GDAP1L1: variants seen among roughly 807,000 people sequenced by gnomAD.
GDAP1L1 encodes the protein ganglioside induced differentiation associated protein 1 like 1.
In GDAP1L1, 21 loss-of-function variants were observed where a neutral mutation model predicts 37.1. The ratio of observed to expected loss-of-function variants is 0.57; its 90% CI spans 0.40 to 0.81. The LOEUF (loss-of-function observed/expected upper bound fraction) is 0.81. Among genes scored for constraint, GDAP1L1 ranks in the 40% least tolerant of loss-of-function variants. The probability of loss-of-function intolerance (pLI) is 0.00; values close to 1 mark genes in which losing one functional copy is unlikely to be tolerated. For missense variants in GDAP1L1, 362 were observed against 491.6 expected (o/e 0.74, Z 2.49); for synonymous variants, 193 against 209.1 (o/e 0.92, Z 0.67).
chr20:44,259,919 C>G (rs2073641507), intron 3 of GDAP1L1, among the ~76,000 whole-genome samples: 1 of 152,126 alleles, frequency 6.6e-6, no homozygotes. Context: ...ATCCCAGGGT[C>G]AAGTTCCATG....
rs1457237091 is a variant in GDAP1L1, at chr20:44,276,410, GAAA to G, written c.761-2544_761-2542del. Among the ~76,000 whole-genome samples, 8 of 24,914 alleles carry G rather than the reference GAAA, an allele frequency of 3.2e-4. 1 individual carries two copies. The South Asian group carries it at 0.011, about 35-fold the overall frequency. 16.3% of individuals were successfully genotyped at this position (24,914 alleles called of 152,430 possible). A position where few individuals can be genotyped will look rare whatever the true frequency, so the allele number is the denominator to read the frequency against. On this transcript the variant is annotated intron_variant, in intron 5 of 5. Coordinates refer to ENST00000342560, the MANE Select transcript of GDAP1L1 (RefSeq NM_024034.6). ...AAAGAAAAGAAAGGGAAAGAAAAAA[GAAA>G]AAGAAAGAAAGAAAGAAAGAAAGAA...
rs545819390 is a variant in GDAP1L1 at position 44,279,791 on chromosome 20, A to G, written c.*491A>G. On this transcript the variant is annotated 3_prime_UTR_variant, in exon 6 of 6. Transcript: ENST00000342560. ...AACCGGTACCTCTGAATGGGGCTGG[A>G]TAACCGGAGACCCCATGGGAGGTCC... is the stretch of plus-strand genomic sequence containing the variant. 3.4e-5 allele frequency: 16 copies of G among 471,634 alleles called. No individual in the cohort carries two copies. The East Asian group carries it at 1.1e-3, about 33-fold the overall frequency. The allele number at this position is 471,634 out of a possible 1,614,324, so 29.2% of individuals were successfully genotyped here. A position where few individuals can be genotyped will look rare whatever the true frequency, so the allele number is the denominator to read the frequency against.
chr20:44,253,157 G>T (rs2073477063), intron 1 of GDAP1L1, among the ~76,000 whole-genome samples: 1 of 151,948 alleles, frequency 6.6e-6, no homozygotes, highest in African/African-American at 2.4e-5. Context: ...TCTTTTTTTG[G>T]ACGCACTCAC....
Position 44,279,432 on chromosome 20 carries a change from C to T in GDAP1L1, c.*132C>T, listed in dbSNP as rs988299580. On this transcript the variant is annotated 3_prime_UTR_variant, in exon 6 of 6. Coordinates refer to ENST00000342560, the MANE Select transcript of GDAP1L1 (RefSeq NM_024034.6). Reference sequence around the variant, plus strand: ...CGCCCTTCGTTCTGAGTAATAATACCGTCAGTGTGAAAACATTCCGTAGTT... The same window carrying T: ...CGCCCTTCGTTCTGAGTAATAATACTGTCAGTGTGAAAACATTCCGTAGTT... 12 of 716,884 alleles carry T rather than the reference C, an allele frequency of 1.7e-5. No individual in the cohort carries two copies. The highest frequency in any genetic ancestry group is 1.2e-4 in the African/African-American group (7 of 57,332). 44.4% of individuals were successfully genotyped at this position (716,884 alleles called of 1,614,324 possible).
chr20:44,276,247 A>T (rs1189097074), intron 5 of GDAP1L1, among the ~76,000 whole-genome samples: 1 of 151,704 alleles, frequency 6.6e-6, no homozygotes, highest in Non-Finnish European at 1.5e-5. Flanking sequence ...AGGCAGAAGA[A>T]TTGTTTGAAC....
At chr20:44,255,657 C>A (rs183643025) in intron 1 of GDAP1L1, among the ~76,000 whole-genome samples, 1 of 150,598 alleles carries the variant, frequency 6.6e-6, no homozygotes, top group South Asian at 2.1e-4. Flanking sequence ...CTGCCCATGA[C>A]GCTGCATTGC....
chr20:44,258,969 C>A (rs890681850), intron 3 of GDAP1L1, among the ~76,000 whole-genome samples: 2 of 151,838 alleles, frequency 1.3e-5, no homozygotes, highest in Non-Finnish European at 2.9e-5. Flanking sequence ...TTGTCCTGCC[C>A]CCCCCATACA....
intron 5 of GDAP1L1, among the ~76,000 whole-genome samples, chr20:44,268,784 A>G (rs1471904690): frequency 6.6e-6 from 1 of 152,170 alleles, no homozygotes; most frequent in Non-Finnish European, 1.5e-5. Flanking sequence ...GTCCTCGGGA[A>G]AGTGGTGGGA....
intron 5 of GDAP1L1, among the ~76,000 whole-genome samples, chr20:44,267,638 G>T (rs1254936901): frequency 6.6e-6 from 1 of 151,942 alleles, no homozygotes; most frequent in Non-Finnish European, 1.5e-5. Context: ...AAAAGGCAGG[G>T]GGTGATAACA....
intron 5 of GDAP1L1, among the ~76,000 whole-genome samples, chr20:44,271,317 G>A (rs1015619324): frequency 2.0e-5 from 3 of 152,162 alleles, no homozygotes; most frequent in Non-Finnish European, 4.4e-5. Context: ...GGGTATCAGC[G>A]CAGAGGAGTC....
intron 5 of GDAP1L1, among the ~76,000 whole-genome samples, chr20:44,270,995 C>T (rs1160093702): frequency 5.3e-5 from 8 of 152,172 alleles, no homozygotes; most frequent in Admixed American, 2.6e-4. Context: ...GGCAAGGTCA[C>T]GTGCACTTGT....
At chr20:44,272,650 G>A (rs556709362) in intron 5 of GDAP1L1, among the ~76,000 whole-genome samples, 2 of 151,810 alleles carry the variant, frequency 1.3e-5, no homozygotes, top group Admixed American at 1.3e-4. Flanking sequence ...CACAAGTAGA[G>A]GAGAAGAGAG....
chr20:44,247,609 G>C, intron 1 of GDAP1L1, 95 bp downstream of exon 1: 1 of 1,216,168 alleles, frequency 8.2e-7, no homozygotes, highest in Non-Finnish European at 1.1e-6. Context: ...CGAAAGACTG[G>C]AGGGGGGAAC....
rs1568659401 is a variant in GDAP1L1, at chr20:44,276,387, A to AG, written c.761-2569dup. Among the ~76,000 whole-genome samples, 100 of 96,876 alleles carry AG rather than the reference A, an allele frequency of 1.0e-3. 1 individual carries two copies. Among genetic ancestry groups the AG allele is most frequent in the African/African-American group, 3.7e-3 (87 of 23,600 alleles). The allele number at this position is 96,876 out of a possible 152,430, so 63.6% of individuals were successfully genotyped here. On this transcript the variant is annotated intron_variant, in intron 5 of 5. Coordinates refer to ENST00000342560, the MANE Select transcript of GDAP1L1 (RefSeq NM_024034.6). ...GGAAGGAAGGAAGGAAGGAAGGAAA[A>AG]GAAAAGAAAGGGAAAGAAAAAAGAA...
chr20:44,251,315 A>C (rs1165957271), intron 1 of GDAP1L1, among the ~76,000 whole-genome samples: 2 of 152,176 alleles, frequency 1.3e-5, no homozygotes, highest in Non-Finnish European at 2.9e-5. Flanking sequence ...TCCCTGCAGC[A>C]AGCCTGGTTC....
At chr20:44,261,246 C>A (rs1231511596) in intron 3 of GDAP1L1, among the ~76,000 whole-genome samples, 1 of 152,194 alleles carries the variant, frequency 6.6e-6, no homozygotes. Context: ...GGGTGGCCTG[C>A]CCTCCTGGAG....
chr20:44,264,660 C>T (rs746702434), intron 5 of GDAP1L1, 101 bp downstream of exon 5: 3 of 1,515,040 alleles, frequency 2.0e-6, no homozygotes, highest in Non-Finnish European at 2.7e-6. Flanking sequence ...CTCAGAGGAC[C>T]TCCCAGGTGG....
chr20:44,267,922 T>C (rs575057951), intron 5 of GDAP1L1, among the ~76,000 whole-genome samples: 42 of 152,292 alleles, frequency 2.8e-4, no homozygotes, highest in African/African-American at 9.6e-4. Flanking sequence ...CATGGTGAGA[T>C]AAGTGGGGTT....
chr20:44,249,947 T>A (rs542238922), intron 1 of GDAP1L1, among the ~76,000 whole-genome samples: 56 of 152,292 alleles, frequency 3.7e-4, no homozygotes, highest in African/African-American at 1.3e-3. Context: ...GGATTTTACA[T>A]CCTACCCTGC....
Sources: gnomAD v4.1 joint callset for allele counts (sites outside exome capture counted in the v4.1 genomes callset) on GRCh38, gnomAD v4.1.1 for gene constraint, MANE v1.5 for transcripts, NCBI Gene and HGNC (gene_info 2026-07-23, HGNC 2026-07-21) for gene names.